Variants in IGSF5 observed in about 807,000 individuals in gnomAD.
IGSF5 encodes immunoglobulin superfamily member 5.
In IGSF5, 41 loss-of-function variants were observed where a neutral mutation model predicts 39.4. The ratio of observed to expected loss-of-function variants is 1.04; its 90% CI spans 0.81 to 1.35. The LOEUF is 1.35. Among genes scored for constraint, IGSF5 ranks in the 40% most tolerant of loss-of-function variants. The pLI is 0.00. For missense variants in IGSF5, 487 were observed against 494.6 expected, an observed-to-expected ratio of 0.98 and a Z score of 0.15; for synonymous variants, 183 against 175.3, an observed-to-expected ratio of 1.04 and a Z score of -0.34.
the IGSF5 span, among the ~76,000 whole-genome samples, chr21:39,720,982 G>A: frequency 1.3e-5 from 2 of 152,180 alleles, no homozygotes; most frequent in Non-Finnish European, 2.9e-5. Context: ...CTTATGTCAC[G>A]TGGCTGGTGG....
Position 39,801,425 on chromosome 21 carries a change from T to C in IGSF5, c.*68T>C, listed in dbSNP as rs1385848018. The C allele has an allele frequency of 8.6e-7, 1 of 1,166,066 alleles. No homozygotes were observed. The highest frequency in any genetic ancestry group is 1.5e-5 in the African/African-American group (1 of 66,286). 72.2% of individuals were successfully genotyped at this position (1,166,066 alleles called of 1,614,324 possible). On this transcript the variant is annotated 3_prime_UTR_variant, in exon 9 of 9. Coordinates refer to ENST00000380588, the MANE Select transcript of IGSF5 (RefSeq NM_001080444.2). ...CAAAACACGGCGATGGCATCCTTCC[T>C]TTCCATCCTAAGACTGGCCTGCAGC...
At chr21:39,727,704 G>A in the IGSF5 span, 2 of 152,266 alleles carry the variant, frequency 1.3e-5, no homozygotes, top group East Asian at 1.9e-4. Flanking sequence ...TTTGGAGATG[G>A]TGGCTGGCCA....
intron 7 of IGSF5, 111 bp from the exon 8 acceptor site, chr21:39,793,423 T>C (rs1191395098): frequency 4.0e-6 from 3 of 741,564 alleles, no homozygotes; most frequent in East Asian, 2.5e-5. Flanking sequence ...TTAAGGATTA[T>C]GCCAGCGGTA....
intron 3 of IGSF5, among the ~76,000 whole-genome samples, chr21:39,768,222 T>C (rs1186438760): frequency 6.6e-6 from 1 of 152,150 alleles, no homozygotes; most frequent in Non-Finnish European, 1.5e-5. Flanking sequence ...TTGCTCTGAA[T>C]GGCACTTAGT....
intron 2 of IGSF5, among the ~76,000 whole-genome samples, chr21:39,749,106 G>T (rs2079990866): frequency 6.6e-6 from 1 of 152,126 alleles, no homozygotes; most frequent in Non-Finnish European, 1.5e-5. Context: ...CATTAATAGA[G>T]TTAAAGAGTT....
chr21:39,750,224 C>G (rs879838417), intron 2 of IGSF5, among the ~76,000 whole-genome samples: 1 of 152,196 alleles, frequency 6.6e-6, no homozygotes, highest in African/African-American at 2.4e-5. Context: ...TTCGCCTCCC[C>G]TGGCCCCATT....
intron 8 of IGSF5, among the ~76,000 whole-genome samples, chr21:39,800,643 G>A (rs1318392632): frequency 2.6e-5 from 4 of 152,218 alleles, no homozygotes; most frequent in Admixed American, 2.0e-4. Context: ...CATTATTTAA[G>A]ATGTTAAGTG....
the IGSF5 span, among the ~76,000 whole-genome samples, chr21:39,731,579 CAGG>C: frequency 6.6e-6 from 1 of 152,158 alleles, no homozygotes; most frequent in African/African-American, 2.4e-5. Flanking sequence ...AGATTTGAAG[CAGG>C]AGGAGAATAG....
In IGSF5 at chr21:39,765,562, A is replaced by G. The variant is rs2080082364; in HGVS notation, c.128A>G (p.Glu43Gly). 1 of 1,613,830 alleles carries G rather than the reference A, an allele frequency of 6.2e-7. No homozygotes were observed. Among genetic ancestry groups the G allele is most frequent in the South Asian group, 1.1e-5 (1 of 91,070 alleles). Residue 43 changes from glutamate to glycine, a missense_variant, in exon 3 of 9, where the codon GAA (glutamate) becomes GGA (glycine). Physicochemically the swap from Glu to Gly is moderately conservative, Grantham distance 98. Transcript: ENST00000380588. ...TCTGGGTCTGGTAATGAAGTCATAGAAGGCCCCCAAAATGCAAGAGTCCTG... is the reference window on the plus strand; with the variant it reads ...TCTGGGTCTGGTAATGAAGTCATAGGAGGCCCCCAAAATGCAAGAGTCCTG... ...DGSGSGNEVI[E>G]GPQNARVLKG...
chr21:39,798,643 T>C (rs1174116870), intron 8 of IGSF5, among the ~76,000 whole-genome samples: 1 of 152,206 alleles, frequency 6.6e-6, no homozygotes, highest in Non-Finnish European at 1.5e-5. Context: ...ATCTTTGTCA[T>C]GAATCACCCA....
In IGSF5 at chr21:39,792,263, G is replaced by C. The variant is rs111713422; in HGVS notation, c.1048+164G>C. ...AAATTCTAGAACTTGGAATACTCTA[G>C]GAGTAGGTTAACAGTAAAAATCCAC... On this transcript the variant is annotated intron_variant, in intron 7 of 8. Transcript: ENST00000380588. Among the ~76,000 whole-genome samples, 16 of 152,252 alleles carry C rather than the reference G, an allele frequency of 1.1e-4. 1 individual carries two copies. The South Asian group carries it at 2.1e-3, about 20-fold the overall frequency.
chr21:39,724,892 G>A, the IGSF5 span, among the ~76,000 whole-genome samples: 43 of 152,320 alleles, frequency 2.8e-4, no homozygotes, highest in African/African-American at 8.7e-4. Flanking sequence ...GGAGAGTAAC[G>A]CCTTACATGC....
In IGSF5 at chr21:39,771,219, A is replaced by C; in HGVS notation, c.718+4A>C. 6.5e-7 allele frequency: 1 copy of C among 1,546,558 alleles called. No individual in the cohort carries two copies. Among genetic ancestry groups the C allele is most frequent in the Non-Finnish European group, 8.7e-7 (1 of 1,143,218 alleles). On this transcript the variant is annotated splice_donor_region_variant and intron_variant, in intron 4 of 8. Coordinates refer to ENST00000380588, the MANE Select transcript of IGSF5 (RefSeq NM_001080444.2). ...ACTGTGATTCGGTGTCCCCAAGGTA[A>C]GTGAAGACATTCTGCTTTATATGAA...
At position 39,770,997 on chromosome 21, in the gene IGSF5, A is replaced by G. The variant is rs764028589; in HGVS notation, c.500A>G (p.His167Arg). The G allele has an allele frequency of 1.9e-6, 3 of 1,613,582 alleles. No homozygotes were observed. The highest frequency in any genetic ancestry group is 1.7e-5 in the Admixed American group (1 of 59,968). The change falls in exon 4 of 9, where the codon CAC becomes CGC. Residue 167 changes from histidine (H) to arginine (R), a missense_variant. Physicochemically the swap from His to Arg is conservative, Grantham distance 29. Coordinates refer to ENST00000380588, the MANE Select transcript of IGSF5 (RefSeq NM_001080444.2). ...EPCEVTCLPS[H>R]WTRLPDISWE... ...TGTGAAGTTACTTGTCTACCCTCAC[A>G]CTGGACCCGGCTCCCGGATATTTCC... is the stretch of plus-strand genomic sequence containing the variant.
chr21:39,738,194 G>T, the IGSF5 span, among the ~76,000 whole-genome samples: 13,442 of 152,162 alleles, frequency 0.088, 913 homozygotes, highest in African/African-American at 0.18. The surrounding 1 kb of genome is among the most constrained non-coding windows in gnomAD (Gnocchi z 6.4). Context: ...CAGTTCCAGG[G>T]GGCTGGGGAG....
chr21:39,742,417 C>A (rs201950304), upstream of IGSF5, among the ~76,000 whole-genome samples: 1 of 152,158 alleles, frequency 6.6e-6, no homozygotes, highest in Admixed American at 6.5e-5. Flanking sequence ...AAGGCCGCAC[C>A]GGCGTCCAGG....
At chr21:39,739,879 T>C in the IGSF5 span, among the ~76,000 whole-genome samples, 1 of 152,198 alleles carries the variant, frequency 6.6e-6, no homozygotes, top group Non-Finnish European at 1.5e-5. Context: ...AGGTTAAAGA[T>C]ACAGGGATTC....
At chr21:39,801,161 C>G in intron 8 of IGSF5, 101 bp from the exon 9 acceptor site, 2 of 822,446 alleles carry the variant, frequency 2.4e-6, no homozygotes, top group Non-Finnish European at 4.0e-6. Context: ...CTCTCCGTAC[C>G]TTAATTTTAT....
chr21:39,754,589 C>T (rs1362055300), intron 2 of IGSF5, among the ~76,000 whole-genome samples: 10 of 152,110 alleles, frequency 6.6e-5, no homozygotes, highest in Non-Finnish European at 1.3e-4. Context: ...GTTTGCCTCT[C>T]GTCAGGACAG....
Sources: allele counts gnomAD v4.1 joint callset (sites outside exome capture counted in the v4.1 genomes callset), GRCh38; gene constraint gnomAD v4.1.1; non-coding constraint Gnocchi (gnomAD v3.1); transcripts MANE v1.5; gene names NCBI Gene and HGNC (gene_info 2026-07-23, HGNC 2026-07-21).